Variants in EPC1 observed in about 807,000 individuals in gnomAD.
The protein encoded by EPC1 is enhancer of polycomb 1.
A neutral mutation model predicts 98.4 loss-of-function variants in EPC1; 12 were observed. The observed-to-expected ratio is 0.12, with a 90% CI of 0.08 to 0.20. The LOEUF is 0.20. EPC1 is among the 10% of genes least tolerant of loss of function. EPC1 has a pLI of 1.00. For missense variants in EPC1, 729 were observed against 990.5 expected, an observed-to-expected ratio of 0.74 and a Z score of 3.54; for synonymous variants, 357 against 363.9, an observed-to-expected ratio of 0.98 and a Z score of 0.21.
chr10:32,292,657 A>T lies in EPC1; in HGVS notation c.667-13T>A. 6.2e-7 allele frequency: 1 copy of T among 1,601,616 alleles called. No homozygotes were observed. On this transcript the variant is annotated splice_polypyrimidine_tract_variant and intron_variant, in intron 4 of 13. Transcript: ENST00000319778. ...CATTTTTGCGATTCTGCAAATGTGA[A>T]GTTGCTTGTTTAATGTTAGTAAGTA...
intron 4 of EPC1, 57 bp from the exon 5 acceptor site, chr10:32,292,701 G>C (rs1834923150): frequency 6.7e-7 from 1 of 1,493,620 alleles, no homozygotes; most frequent in Non-Finnish European, 9.0e-7. Flanking sequence ...TAGTGGTATA[G>C]TTATTGACCC....
At chr10:32,287,425 TGTAAA>T in intron 6 of EPC1, 151 bp from the exon 7 acceptor site, 1 of 764,822 alleles carries the variant, frequency 1.3e-6, no homozygotes, top group Non-Finnish European at 2.1e-6. Context: ...CATCTTATAG[TGTAAA>T]GTCTAGAGAA....
At chr10:32,290,665 T>C (rs146016763) in intron 6 of EPC1, among the ~76,000 whole-genome samples, 3 of 152,058 alleles carry the variant, frequency 2.0e-5, no homozygotes, top group African/African-American at 4.8e-5. Context: ...CTTCCCTTTA[T>C]AAGGAAGAGA....
chr10:32,320,237 A>T (rs1449247448), intron 1 of EPC1, among the ~76,000 whole-genome samples: 1 of 150,840 alleles, frequency 6.6e-6, no homozygotes, highest in Admixed American at 6.6e-5. Flanking sequence ...CTTTTTTTTT[A>T]AAAAGTACAA....
At chr10:32,323,191 T>A (rs1837039527) in intron 1 of EPC1, among the ~76,000 whole-genome samples, 1 of 152,174 alleles carries the variant, frequency 6.6e-6, no homozygotes. Context: ...AGACTAAAAC[T>A]AAAAATAATC....
chr10:32,275,729 C>T (rs1213930092), intron 10 of EPC1, among the ~76,000 whole-genome samples: 1 of 151,182 alleles, frequency 6.6e-6, no homozygotes. Context: ...GAGCCGAGAT[C>T]GCGTCACTGC....
intron 1 of EPC1, among the ~76,000 whole-genome samples, chr10:32,319,860 G>A (rs992042648): frequency 6.6e-6 from 1 of 152,090 alleles, no homozygotes; most frequent in African/African-American, 2.4e-5. Context: ...TGTATTTTTA[G>A]TAGAGACAGA....
chr10:32,365,138 T>C (rs1839562903), intron 1 of EPC1, among the ~76,000 whole-genome samples: 1 of 152,158 alleles, frequency 6.6e-6, no homozygotes, highest in Admixed American at 6.5e-5. Context: ...TAGTTAGTAA[T>C]TGGTGACACT....
chr10:32,276,466 C>T (rs981708871), intron 10 of EPC1, among the ~76,000 whole-genome samples: 3 of 152,160 alleles, frequency 2.0e-5, no homozygotes, highest in Admixed American at 6.6e-5. Flanking sequence ...GAGCCGAGAC[C>T]GCACCACTGC....
At chr10:32,296,628 G>C (rs937921159) in intron 2 of EPC1, among the ~76,000 whole-genome samples, 18 of 152,118 alleles carry the variant, frequency 1.2e-4, no homozygotes, top group Non-Finnish European at 1.5e-4. Context: ...CTTAAACAGG[G>C]GCCAGGCGTA....
At chr10:32,273,921 C>T (rs931946431) in intron 10 of EPC1, 3 of 151,824 alleles carry the variant, frequency 2.0e-5, no homozygotes, top group African/African-American at 7.3e-5. Flanking sequence ...AATTAACCCA[C>T]CTGGAAAAAA....
upstream of EPC1, among the ~76,000 whole-genome samples, chr10:32,351,739 T>A (rs958703340): frequency 1.5e-4 from 22 of 150,834 alleles, no homozygotes; most frequent in East Asian, 4.3e-3. Context: ...ATTTATTTAT[T>A]TTATTTTGAG....
rs1014654030 is a variant in EPC1, at chr10:32,292,572, T to C, written c.739A>G (p.Ile247Val). Residue 247 changes from isoleucine (I) to valine (V), a missense_variant, in exon 5 of 14, where the codon ATT (isoleucine) becomes GTT (valine). Physicochemically the swap from Ile to Val is conservative, Grantham distance 29 (BLOSUM62 3). Transcript: ENST00000319778. The stretch of plus-strand genomic sequence containing the variant: ...TCTCTTCTTTTTATCATCTCTAGAA[T>C]AGTAACAGCTCGACTTAGATCTCGT... ...LRRDLSRAVT[I>V]LEMIKRREKS... 1 of 1,609,184 alleles carries C rather than the reference T, an allele frequency of 6.2e-7. No homozygotes were observed. The highest frequency in any genetic ancestry group is 8.5e-7 in the Non-Finnish European group (1 of 1,178,696).
intron 1 of EPC1, among the ~76,000 whole-genome samples, chr10:32,361,888 AC>A (rs1298738811): frequency 6.6e-6 from 1 of 152,200 alleles, no homozygotes; most frequent in Non-Finnish European, 1.5e-5. Flanking sequence ...TAAAGACCTT[AC>A]CAATAAAACA....
At chr10:32,294,570 C>T (rs550515560) in intron 2 of EPC1, among the ~76,000 whole-genome samples, 2 of 152,232 alleles carry the variant, frequency 1.3e-5, no homozygotes, top group South Asian at 4.1e-4. Flanking sequence ...AGCTGTCACT[C>T]GGTGAGTATG....
intron 1 of EPC1, among the ~76,000 whole-genome samples, chr10:32,369,967 A>G (rs1252129167): frequency 6.6e-6 from 1 of 152,240 alleles, no homozygotes; most frequent in Non-Finnish European, 1.5e-5. Context: ...AAGGATCATG[A>G]TTTCTAAAAT....
chr10:32,271,722 A>C lies in EPC1; in HGVS notation c.2201T>G (p.Leu734Ter). 6.2e-7 allele frequency: 1 copy of C among 1,614,188 alleles called. No homozygotes were observed. Among genetic ancestry groups the C allele is most frequent in the South Asian group, 1.1e-5 (1 of 91,090 alleles). Residue 734 changes from leucine (L) to a stop codon, truncating the protein, a stop_gained, in exon 13 of 14, where the codon TTA becomes TGA. Transcript: ENST00000319778. LOFTEE classifies it high-confidence loss of function. ...TQVLIGNNIR[L>*]TVPSSVATVN... ...AGTGGCAACTGATGAAGGTACAGTT[A>C]ATCGAATGTTGTTCCCAATCAGAAC...
intron 1 of EPC1, among the ~76,000 whole-genome samples, chr10:32,345,902 G>A (rs1261904696): frequency 1.3e-5 from 2 of 152,136 alleles, no homozygotes; most frequent in African/African-American, 2.4e-5. Context: ...CAGAGAGCAG[G>A]AGAACTTAAA....
intron 1 of EPC1, among the ~76,000 whole-genome samples, chr10:32,330,915 G>A (rs962994745): frequency 2.6e-5 from 4 of 152,054 alleles, no homozygotes; most frequent in Non-Finnish European, 4.4e-5. Flanking sequence ...CACTACAAAA[G>A]TTAGAATGTC....
Sources: gnomAD v4.1 joint callset for allele counts (sites outside exome capture counted in the v4.1 genomes callset) on GRCh38, gnomAD v4.1.1 for gene constraint, MANE v1.5 for transcripts, NCBI Gene and HGNC (gene_info 2026-07-23, HGNC 2026-07-21) for gene names.